The following TMEM204 variants were observed in gnomAD, a reference collection of about 807,000 sequenced individuals.
TMEM204 encodes claudin-like protein 24.
A neutral mutation model predicts 19.4 loss-of-function variants in TMEM204; 15 were observed. The observed-to-expected ratio is 0.77, with a 90% CI of 0.52 to 1.19. The LOEUF (loss-of-function observed/expected upper bound fraction) is 1.19. TMEM204 is among the 50% of genes most tolerant of loss of function. The probability of loss-of-function intolerance (pLI) is 0.00; values close to 1 mark genes in which losing one functional copy is unlikely to be tolerated. For synonymous variants in TMEM204, 161 were observed against 146.0 expected (o/e 1.10, Z -0.74); for missense variants, 287 against 321.2 (o/e 0.89, Z 0.81).
chr16:1,553,978 G>A lies in TMEM204; in HGVS notation c.437-804G>A. ...CTGTAGCATCAGCGACTAACTAGAC[G>A]GGAACAAGCTGCGCCAACCAAGGGT... On this transcript the variant is annotated intron_variant, in intron 2 of 2. Coordinates refer to ENST00000566264, the MANE Select transcript of TMEM204 (RefSeq NM_024600.6). This position sits in a 1 kb window ranked among gnomAD's most constrained non-coding sequence, Gnocchi z 4.4. 8 of 1,287,214 alleles carry A rather than the reference G, an allele frequency of 6.2e-6. No homozygotes were observed. Among genetic ancestry groups the A allele is most frequent in the Non-Finnish European group, 8.1e-6 (8 of 988,682 alleles). 79.7% of individuals were successfully genotyped at this position (1,287,214 alleles called of 1,614,324 possible).
At position 1,555,397 on chromosome 16, in the gene TMEM204, A is replaced by T. The variant is rs775472888; in HGVS notation, c.*371A>T. 1 of 211,538 alleles carries T rather than the reference A, an allele frequency of 4.7e-6. No homozygotes were observed. The highest frequency in any genetic ancestry group is 9.5e-6 in the Non-Finnish European group (1 of 105,514). The allele number at this position is 211,538 out of a possible 1,614,324, so 13.1% of individuals were successfully genotyped here. A position where few individuals can be genotyped will look rare whatever the true frequency, so the allele number is the denominator to read the frequency against. The stretch of plus-strand genomic sequence containing the variant: ...ATCTGCTGAGAGGGGCACCCCAGCC[A>T]TATCTTACACTTTGGTAAAGCAGAA... On this transcript the variant is annotated 3_prime_UTR_variant, in exon 3 of 3. Transcript: ENST00000566264.
chr16:1,542,115 C>A (rs755334652), intron 2 of TMEM204, 39 bp downstream of exon 2: 2 of 1,532,928 alleles, frequency 1.3e-6, no homozygotes, highest in Admixed American at 2.0e-5. Context: ...CGCCCTTGCC[C>A]CCTGTGGCCT....
At chr16:1,529,084 C>A (rs773627226), upstream of TMEM204, among the ~76,000 whole-genome samples, 1 of 152,218 alleles carries the variant, frequency 6.6e-6, no homozygotes, top group Non-Finnish European at 1.5e-5. Flanking sequence ...GTGGCTGCAA[C>A]GCGGCATACC....
chr16:1,534,673 G>A, intron 1 of TMEM204, 118 bp downstream of exon 1: 1 of 1,464,042 alleles, frequency 6.8e-7, no homozygotes, highest in Non-Finnish European at 9.3e-7. Context: ...TCTGCCCTGA[G>A]CGTGGCCTCT....
At chr16:1,548,609 G>A (rs1312172032) in intron 2 of TMEM204, among the ~76,000 whole-genome samples, 1 of 152,334 alleles carries the variant, frequency 6.6e-6, no homozygotes, top group South Asian at 2.1e-4. Context: ...TCAGGAAACA[G>A]GACAATGAGG....
Position 1,534,386 on chromosome 16 carries a change from T to TGGGCGC in TMEM204, c.112_117dup (p.Gly38_Arg39dup), listed in dbSNP as rs1184794248. On this transcript the variant is annotated inframe_insertion, in exon 1 of 3. Coordinates refer to ENST00000566264, the MANE Select transcript of TMEM204 (RefSeq NM_024600.6). ...ACTGGGTGTGCCAGACGCTGGAGGA[T>TGGGCGC]GGGCGCAGGCGCAGCGTGGGGCTGT... is the stretch of plus-strand genomic sequence containing the variant. 6 of 1,612,606 alleles carry TGGGCGC rather than the reference T, an allele frequency of 3.7e-6. No homozygotes were observed. The highest frequency in any genetic ancestry group is 5.1e-6 in the Non-Finnish European group (6 of 1,179,848).
chr16:1,545,856 G>A (rs184987315), intron 2 of TMEM204, among the ~76,000 whole-genome samples: 6 of 152,310 alleles, frequency 3.9e-5, no homozygotes, highest in Admixed American at 2.0e-4. Flanking sequence ...TCAGCACGAC[G>A]TCTGGGTCTG....
intron 1 of TMEM204, chr16:1,541,315 T>A (rs1192945088): frequency 2.0e-6 from 2 of 985,118 alleles, no homozygotes; most frequent in East Asian, 1.1e-4. Context: ...TTCAGACCCA[T>A]GTCTGACCCC....
intron 2 of TMEM204, among the ~76,000 whole-genome samples, chr16:1,545,034 C>T (rs1299345349): frequency 1.3e-5 from 2 of 152,246 alleles, no homozygotes. Flanking sequence ...TCGAAAATGA[C>T]AGCTTACTTC....
At chr16:1,541,118 A>C in intron 1 of TMEM204, 1 of 985,382 alleles carries the variant, frequency 1.0e-6, no homozygotes, top group Non-Finnish European at 1.2e-6. Flanking sequence ...TCTGCCCCTG[A>C]CCACGCATCC....
In TMEM204 at chr16:1,554,062, T is replaced by C. The variant is rs771084988; in HGVS notation, c.437-720T>C. On this transcript the variant is annotated intron_variant, in intron 2 of 2. Coordinates refer to ENST00000566264, the MANE Select transcript of TMEM204 (RefSeq NM_024600.6). ...GGCTCTGGAAAGAGAGGGGAAAGCA[T>C]GGAAGGAAAATCTGCCAGGGAGGAG... 9 of 1,287,050 alleles carry C rather than the reference T, an allele frequency of 7.0e-6. No individual in the cohort carries two copies. In the South Asian group the frequency reaches 7.4e-5, roughly 11 times the overall value. 79.7% of individuals were successfully genotyped at this position (1,287,050 alleles called of 1,614,324 possible).
At chr16:1,541,826 C>T (rs1324181787) in intron 1 of TMEM204, 95 bp from the exon 2 acceptor site, 27 of 1,428,728 alleles carry the variant, frequency 1.9e-5, no homozygotes, top group South Asian at 1.3e-4. Flanking sequence ...CCGCCCTTTC[C>T]GAGGCAAACA....
At chr16:1,546,771 C>A (rs1396953242) in intron 2 of TMEM204, among the ~76,000 whole-genome samples, 1 of 152,194 alleles carries the variant, frequency 6.6e-6, no homozygotes, top group Non-Finnish European at 1.5e-5. Context: ...CTGAGCCCGG[C>A]CTGAAGAGAA....
chr16:1,553,522 A>G lies in TMEM204; in HGVS notation c.437-1260A>G. 2 of 994,192 alleles carry G rather than the reference A, an allele frequency of 2.0e-6. No individual in the cohort carries two copies. Among genetic ancestry groups the G allele is most frequent in the Non-Finnish European group, 2.4e-6 (2 of 834,568 alleles). 61.6% of individuals were successfully genotyped at this position (994,192 alleles called of 1,614,324 possible). On this transcript the variant is annotated intron_variant, in intron 2 of 2. Coordinates refer to ENST00000566264, the MANE Select transcript of TMEM204 (RefSeq NM_024600.6). The surrounding 1 kb of genome is among the most constrained non-coding windows in gnomAD (Gnocchi z 4.4). ...GCGTGGCCGGAGCCTGGGGAGGGACATGGACAAGTCCTCTATGGACAAGAG... is the reference window on the plus strand; with the variant it reads ...GCGTGGCCGGAGCCTGGGGAGGGACGTGGACAAGTCCTCTATGGACAAGAG...
At chr16:1,529,336 G>A (rs1050394902), upstream of TMEM204, among the ~76,000 whole-genome samples, 5 of 152,216 alleles carry the variant, frequency 3.3e-5, no homozygotes, top group East Asian at 1.9e-4. Flanking sequence ...GGGCCGGGAA[G>A]TGAGCCTGCC....
In TMEM204 at chr16:1,553,390, G is replaced by A; in HGVS notation, c.437-1392G>A. ...GGCCACACAGGGCAGGGCATGATTT[G>A]GTTTCCTGGGGAATGCAGGGGAGGC... On this transcript the variant is annotated intron_variant, in intron 2 of 2. Transcript: ENST00000566264. The surrounding 1 kb of genome is among the most constrained non-coding windows in gnomAD (Gnocchi z 4.4). 3.0e-6 allele frequency: 3 copies of A among 985,356 alleles called. No homozygotes were observed. The highest frequency in any genetic ancestry group is 3.6e-6 in the Non-Finnish European group (3 of 829,918). 61.0% of individuals were successfully genotyped at this position (985,356 alleles called of 1,614,324 possible).
chr16:1,554,123 G>C, intron 2 of TMEM204: 10 of 1,287,178 alleles, frequency 7.8e-6, no homozygotes, highest in Non-Finnish European at 1.0e-5. Context: ...ACTCGGAAGT[G>C]AGGGAAGACA....
chr16:1,530,709 G>C (rs1011294971), upstream of TMEM204: 1 of 151,376 alleles, frequency 6.6e-6, no homozygotes. Flanking sequence ...TGGGGAGCGG[G>C]AGAGAGCCCG....
In TMEM204 at chr16:1,534,039, G is replaced by C. The variant is rs907833537; in HGVS notation, c.-237G>C. ...TGCCCACCCTCTGCTCCCTGGGATG[G>C]GCCCCGAGGCGAGCAGCTTCAGCAC... On this transcript the variant is annotated 5_prime_UTR_variant, in exon 1 of 3. Transcript: ENST00000566264. 17 of 538,046 alleles carry C rather than the reference G, an allele frequency of 3.2e-5. No individual in the cohort carries two copies. The highest frequency in any genetic ancestry group is 5.4e-5 in the Non-Finnish European group (17 of 314,600). The allele number at this position is 538,046 out of a possible 1,614,324, so 33.3% of individuals were successfully genotyped here. A position where few individuals can be genotyped will look rare whatever the true frequency, so the allele number is the denominator to read the frequency against.
Sources: allele counts gnomAD v4.1 joint callset (sites outside exome capture counted in the v4.1 genomes callset), GRCh38; gene constraint gnomAD v4.1.1; non-coding constraint Gnocchi (gnomAD v3.1); transcripts MANE v1.5; gene names NCBI Gene and HGNC (gene_info 2026-07-23, HGNC 2026-07-21).